Variants in EYS observed in about 807,000 individuals in gnomAD.
EYS encodes protein eyes shut homolog.
A neutral mutation model predicts 282.1 loss-of-function variants in EYS; 250 were observed. The observed-to-expected ratio is 0.89, with a 90% confidence interval of 0.80 to 0.98. EYS has a LOEUF of 0.98. EYS is among the 50% of genes least tolerant of loss of function. The pLI is 0.00. For missense variants in EYS, 4,016 were observed against 3,709.0 expected (o/e 1.08, Z -2.15); for synonymous variants, 1,355 against 1,282.9 (o/e 1.06, Z -1.20).
At chr6:64,334,731 T>A (rs1446395605) in intron 29 of EYS, among the ~76,000 whole-genome samples, 1 of 152,154 alleles carries the variant, frequency 6.6e-6, no homozygotes, top group African/African-American at 2.4e-5. Flanking sequence ...AAGGAAGAGT[T>A]TGTGGAAAGC....
intron 2 of EYS, among the ~76,000 whole-genome samples, chr6:65,565,735 C>G: frequency 6.6e-6 from 1 of 152,006 alleles, no homozygotes; most frequent in South Asian, 2.1e-4. Context: ...AAAGAAAATG[C>G]GGCACATATA....
At chr6:64,395,636 G>A (rs1773337635) in intron 28 of EYS, among the ~76,000 whole-genome samples, 1 of 129,902 alleles carries the variant, frequency 7.7e-6, no homozygotes, top group South Asian at 2.7e-4. Context: ...CTGTTGTCGG[G>A]TTGGGGGGAG....
intron 29 of EYS, among the ~76,000 whole-genome samples, chr6:64,322,500 G>C (rs574657415): frequency 6.6e-6 from 1 of 152,054 alleles, no homozygotes; most frequent in African/African-American, 2.4e-5. Context: ...CGGAAGCAAG[G>C]ACTTGAGGGG....
At chr6:64,614,904 C>T (rs79796681) in intron 24 of EYS, among the ~76,000 whole-genome samples, 7 of 152,058 alleles carry the variant, frequency 4.6e-5, no homozygotes, top group Non-Finnish European at 1.0e-4. Flanking sequence ...AATTAGTGAC[C>T]GCCTATACTG....
At chr6:64,260,146 T>TG (rs1767541469) in intron 30 of EYS, among the ~76,000 whole-genome samples, 1 of 151,060 alleles carries the variant, frequency 6.6e-6, no homozygotes, top group Non-Finnish European at 1.5e-5. Context: ...CAGGGGGTAT[T>TG]TTTTCCTTCA....
At chr6:65,376,150 G>T (rs1765356645) in intron 8 of EYS, among the ~76,000 whole-genome samples, 2 of 152,140 alleles carry the variant, frequency 1.3e-5, no homozygotes, top group Admixed American at 1.3e-4. Context: ...CCTACAAAGG[G>T]TAGCCCATCA....
intron 31 of EYS, among the ~76,000 whole-genome samples, chr6:64,168,404 T>G (rs552023006): frequency 4.0e-4 from 61 of 152,312 alleles, no homozygotes; most frequent in African/African-American, 1.4e-3. Context: ...CTTAGAAAGT[T>G]AAACGTAAGT....
intron 14 of EYS, among the ~76,000 whole-genome samples, chr6:64,979,039 G>A (rs1309076468): frequency 2.6e-5 from 4 of 151,868 alleles, no homozygotes; most frequent in Admixed American, 6.6e-5. Flanking sequence ...TAAAACAGTG[G>A]CAGGATTTCA....
At chr6:65,306,884 T>C (rs1769026395) in intron 11 of EYS, among the ~76,000 whole-genome samples, 1 of 134,294 alleles carries the variant, frequency 7.4e-6, no homozygotes, top group Non-Finnish European at 1.6e-5. Flanking sequence ...TTTTGTAGTC[T>C]TCCTCTGGAA....
intron 12 of EYS, among the ~76,000 whole-genome samples, chr6:65,108,754 T>G (rs1224966211): frequency 6.6e-6 from 1 of 152,166 alleles, no homozygotes; most frequent in Non-Finnish European, 1.5e-5. Flanking sequence ...GAAAGTCCAG[T>G]TTATGATATG....
chr6:64,065,161 C>T (rs899050347), intron 33 of EYS, among the ~76,000 whole-genome samples: 1 of 152,200 alleles, frequency 6.6e-6, no homozygotes, highest in Admixed American at 6.5e-5. Flanking sequence ...ACCATCTCTG[C>T]CTGTAAGAAG....
intron 12 of EYS, among the ~76,000 whole-genome samples, chr6:65,133,751 A>C (rs538923398): frequency 6.6e-6 from 1 of 152,206 alleles, no homozygotes; most frequent in African/African-American, 2.4e-5. Context: ...ATTGCAACAA[A>C]AGCAAAAAAG....
chr6:65,094,397 A>T (rs1321304663), intron 12 of EYS, among the ~76,000 whole-genome samples: 1 of 151,066 alleles, frequency 6.6e-6, no homozygotes, highest in African/African-American at 2.4e-5. Flanking sequence ...CATATGAAAG[A>T]TTCCATACAA....
intron 26 of EYS, among the ~76,000 whole-genome samples, chr6:64,583,743 C>T (rs1006401275): frequency 1.3e-5 from 2 of 151,752 alleles, no homozygotes; most frequent in Non-Finnish European, 2.9e-5. Flanking sequence ...TGCAGTGAGT[C>T]GAGATTGCAC....
intron 24 of EYS, among the ~76,000 whole-genome samples, chr6:64,614,036 G>A (rs904791752): frequency 6.6e-6 from 1 of 152,002 alleles, no homozygotes; most frequent in African/African-American, 2.4e-5. Flanking sequence ...CAGACCAGAG[G>A]CACAGAATCA....
chr6:64,521,335 C>T (rs1396634620), intron 26 of EYS, among the ~76,000 whole-genome samples: 1 of 151,736 alleles, frequency 6.6e-6, no homozygotes, highest in Non-Finnish European at 1.5e-5. Flanking sequence ...AAGTGAAAGT[C>T]AGGTATCTCA....
At chr6:64,828,227 G>A (rs1335591475) in intron 19 of EYS, among the ~76,000 whole-genome samples, 1 of 151,786 alleles carries the variant, frequency 6.6e-6, no homozygotes, top group Non-Finnish European at 1.5e-5. Context: ...GGTAAAAAGA[G>A]TAAGAAAACA....
intron 2 of EYS, among the ~76,000 whole-genome samples, chr6:65,637,786 G>A (rs1293593173): frequency 2.0e-5 from 3 of 152,124 alleles, no homozygotes; most frequent in Non-Finnish European, 2.9e-5. Flanking sequence ...TCCAGACTTC[G>A]GGCACCAACA....
chr6:65,306,690 A>AGGCGTGGT (rs1449413869), intron 11 of EYS, among the ~76,000 whole-genome samples: 3 of 147,354 alleles, frequency 2.0e-5, no homozygotes, highest in East Asian at 2.0e-4. Context: ...GAAATTAGCC[A>AGGCGTGGT]GGCGTGGTGG....
Sources: allele counts gnomAD v4.1 joint callset (sites outside exome capture counted in the v4.1 genomes callset), GRCh38; gene constraint gnomAD v4.1.1; transcripts MANE v1.5; gene names NCBI Gene and HGNC (gene_info 2026-07-23, HGNC 2026-07-21).